Variants in C8A observed in about 807,000 individuals in gnomAD.
C8A encodes the protein complement C8 alpha chain.
A neutral mutation model predicts 65.3 loss-of-function variants in C8A; 67 were observed. That is an observed-to-expected ratio of 1.03 (90% CI 0.84 to 1.26). The LOEUF is 1.26. Ranked by LOEUF, C8A falls within the 50% of genes most tolerant of loss-of-function variation. The probability of loss-of-function intolerance (pLI) is 0.00; values close to 1 mark genes in which losing one functional copy is unlikely to be tolerated. For synonymous variants in C8A, 290 were observed against 259.4 expected (o/e 1.12, Z -1.13); for missense variants, 781 against 723.9 (o/e 1.08, Z -0.90).
At chr1:56,884,418 T>G (rs1222737161) in intron 6 of C8A, among the ~76,000 whole-genome samples, 1 of 152,134 alleles carries the variant, frequency 6.6e-6, no homozygotes, top group African/African-American at 2.4e-5. Flanking sequence ...ATTAGAAGCT[T>G]ACTAAAAATT....
chr1:56,900,931 A>G (rs1441455812), intron 7 of C8A, among the ~76,000 whole-genome samples: 1 of 152,198 alleles, frequency 6.6e-6, no homozygotes, highest in Non-Finnish European at 1.5e-5. Flanking sequence ...ATACACTGGA[A>G]CATAGACATA....
At chr1:56,888,264 A>C (rs1232242073) in intron 7 of C8A, among the ~76,000 whole-genome samples, 1 of 152,196 alleles carries the variant, frequency 6.6e-6, no homozygotes, top group Non-Finnish European at 1.5e-5. Flanking sequence ...AAAACAAGAC[A>C]GGAAGTTCGA....
intron 1 of C8A, among the ~76,000 whole-genome samples, chr1:56,855,227 T>C (rs987378122): frequency 6.6e-6 from 1 of 152,198 alleles, no homozygotes; most frequent in African/African-American, 2.4e-5. Context: ...TCTCATCGGT[T>C]TGATCCTTAG....
At chr1:56,903,527 G>T (rs1331199388) in intron 7 of C8A, among the ~76,000 whole-genome samples, 2 of 152,198 alleles carry the variant, frequency 1.3e-5, no homozygotes, top group Non-Finnish European at 2.9e-5. Context: ...CACTTGGTCA[G>T]TGTATCCACC....
At chr1:56,884,838 G>A (rs187133954) in intron 6 of C8A, among the ~76,000 whole-genome samples, 3 of 152,186 alleles carry the variant, frequency 2.0e-5, no homozygotes, top group African/African-American at 7.2e-5. Context: ...ATGGGGGCAG[G>A]AGCCTATCTC....
chr1:56,875,071 G>T lies in C8A; in HGVS notation c.294G>T (p.Gln98His), dbSNP rs577429236. The T allele has an allele frequency of 1.3e-5, 21 of 1,613,518 alleles. No homozygotes were observed. The African/African-American group carries it at 2.7e-4, about 21-fold the overall frequency. ...GTGTAAGGCAAGCACAGTGTGGACA[G>T]GATTTCCAGTGTAAGGAGACAGGTG... Reference protein sequence around the residue: ...TTCVRQAQCGQDFQCKETGRC... With the variant: ...TTCVRQAQCGHDFQCKETGRC... The change falls in exon 3 of 11, where the codon CAG (glutamine) becomes CAT (histidine). Residue 98 changes from glutamine (Q) to histidine (H), a missense_variant. Transcript: ENST00000361249.
intron 8 of C8A, among the ~76,000 whole-genome samples, chr1:56,907,530 A>G (rs1644475414): frequency 6.6e-6 from 1 of 152,158 alleles, no homozygotes; most frequent in Non-Finnish European, 1.5e-5. Flanking sequence ...CCCCTACTGT[A>G]TAGCTAACTA....
chr1:56,892,102 T>C (rs923518813), intron 7 of C8A, among the ~76,000 whole-genome samples: 4 of 152,082 alleles, frequency 2.6e-5, no homozygotes, highest in Admixed American at 1.3e-4. Context: ...ATCTAGAGTC[T>C]TCTTTCTTCT....
chr1:56,899,641 C>T (rs1263800120), intron 7 of C8A, among the ~76,000 whole-genome samples: 1 of 152,138 alleles, frequency 6.6e-6, no homozygotes, highest in East Asian at 1.9e-4. Context: ...ATTAAGAAAA[C>T]CTGATTTTAC....
intron 7 of C8A, among the ~76,000 whole-genome samples, chr1:56,886,620 C>G (rs1481270827): frequency 6.6e-6 from 1 of 152,106 alleles, no homozygotes; most frequent in Non-Finnish European, 1.5e-5. Context: ...CATTCTTCCA[C>G]TCTCCTCCAT....
chr1:56,891,778 G>T (rs975412537), intron 7 of C8A, among the ~76,000 whole-genome samples: 5 of 152,098 alleles, frequency 3.3e-5, no homozygotes, highest in Admixed American at 6.5e-5. Flanking sequence ...TTGCCTGAAG[G>T]TGCCAGCTTC....
intron 3 of C8A, 83 bp from the exon 4 acceptor site, chr1:56,875,979 A>T (rs2101219152): frequency 1.3e-6 from 2 of 1,531,822 alleles, no homozygotes; most frequent in African/African-American, 2.7e-5. Flanking sequence ...TTTATTTCTG[A>T]GGAAGAAAGG....
chr1:56,872,817 A>C (rs929974792), intron 2 of C8A, among the ~76,000 whole-genome samples: 1 of 152,194 alleles, frequency 6.6e-6, no homozygotes, highest in African/African-American at 2.4e-5. Flanking sequence ...GGGAATGACT[A>C]AACACTTTGG....
chr1:56,857,118 A>G (rs1443566888), intron 1 of C8A, among the ~76,000 whole-genome samples: 1 of 152,050 alleles, frequency 6.6e-6, no homozygotes, highest in Non-Finnish European at 1.5e-5. Flanking sequence ...AAAGTGCATT[A>G]TTCTGTTGTT....
chr1:56,869,993 C>T (rs1644128122), intron 2 of C8A, among the ~76,000 whole-genome samples: 1 of 152,134 alleles, frequency 6.6e-6, no homozygotes, highest in African/African-American at 2.4e-5. Flanking sequence ...CATTCAACAT[C>T]AAAGCCTGAA....
chr1:56,876,019 G>A (rs1246736376), intron 3 of C8A, 43 bp from the exon 4 acceptor site: 1 of 1,605,256 alleles, frequency 6.2e-7, no homozygotes, highest in Non-Finnish European at 8.5e-7. Context: ...GAGTCTGGAG[G>A]GAGAGGGGAA....
intron 7 of C8A, among the ~76,000 whole-genome samples, chr1:56,886,709 G>C (rs969315956): frequency 6.6e-6 from 1 of 152,020 alleles, no homozygotes; most frequent in Non-Finnish European, 1.5e-5. Context: ...TCTGGGGGTG[G>C]GCTCACCTCT....
At chr1:56,869,176 C>G (rs1644119403) in intron 2 of C8A, among the ~76,000 whole-genome samples, 1 of 152,132 alleles carries the variant, frequency 6.6e-6, no homozygotes, top group Non-Finnish European at 1.5e-5. Flanking sequence ...ACCCTCCCCA[C>G]CCTTCCACCC....
chr1:56,907,101 C>T (rs1644472320), intron 8 of C8A, among the ~76,000 whole-genome samples: 1 of 152,068 alleles, frequency 6.6e-6, no homozygotes, highest in South Asian at 2.1e-4. Flanking sequence ...AATGAAGACC[C>T]ATCATATTAC....
Sources: gnomAD v4.1 joint callset for allele counts (sites outside exome capture counted in the v4.1 genomes callset) on GRCh38, gnomAD v4.1.1 for gene constraint, MANE v1.5 for transcripts, NCBI Gene and HGNC (gene_info 2026-07-23, HGNC 2026-07-21) for gene names.